The following COL20A1 variants were observed in gnomAD, a reference collection of about 807,000 sequenced individuals.
COL20A1 encodes the protein collagen type XX alpha 1 chain.
A neutral mutation model predicts 152.9 loss-of-function variants in COL20A1; 164 were observed. The observed-to-expected ratio is 1.07, with a 90% confidence interval of 0.94 to 1.22. The LOEUF (loss-of-function observed/expected upper bound fraction) is 1.22. Among genes scored for constraint, COL20A1 ranks in the 50% most tolerant of loss-of-function variants. COL20A1 has a pLI of 0.00. For synonymous variants in COL20A1, 864 were observed against 756.0 expected (o/e 1.14, Z -2.34); for missense variants, 1,873 against 1,744.8 (o/e 1.07, Z -1.31).
Position 63,310,373 on chromosome 20 carries a change from TGTTCCA to T in COL20A1, c.1264-6_1264-1del. 1 of 1,610,876 alleles carries T rather than the reference TGTTCCA, an allele frequency of 6.2e-7. No homozygotes were observed. The highest frequency in any genetic ancestry group is 8.5e-7 in the Non-Finnish European group (1 of 1,179,204). ...TTCCTGGCTCCGTCCTTGCCCACTC[TGTTCCA>T]GGTGGTGGTGGAGGGACCCGCCGCC... On this transcript the variant is annotated splice_acceptor_variant and splice_polypyrimidine_tract_variant and intron_variant, in intron 10 of 35. Coordinates refer to ENST00000358894, the MANE Select transcript of COL20A1 (RefSeq NM_020882.4). LOFTEE classifies it high-confidence loss of function.
Position 63,312,048 on chromosome 20 carries a change from C to G in COL20A1, c.1796C>G (p.Ser599Trp). The G allele has an allele frequency of 7.6e-6, 12 of 1,577,872 alleles. No individual in the cohort carries two copies. The highest frequency in any genetic ancestry group is 1.0e-5 in the Non-Finnish European group (12 of 1,160,240). ...TATGTGTCCAGCGAGGGTGGACACT[C>G]GGGGCAGGTGAGAGCAGAGCCCTCC... Reference protein sequence around the residue: ...VTYVSSEGGHSGQTEAPGNAT... With the variant: ...VTYVSSEGGHWGQTEAPGNAT... Residue 599 changes from serine to tryptophan, a missense_variant, in exon 14 of 36, where the codon TCG becomes TGG. By Grantham distance (177) the Ser-to-Trp change is radical. Coordinates refer to ENST00000358894, the MANE Select transcript of COL20A1 (RefSeq NM_020882.4).
rs764385632 is a variant in COL20A1, at chr20:63,308,575, TG to T, written c.810del (p.Gln271SerfsTer14). 3.1e-6 allele frequency: 5 copies of T among 1,605,726 alleles called. No homozygotes were observed. Among genetic ancestry groups the T allele is most frequent in the Non-Finnish European group, 4.2e-6 (5 of 1,176,746 alleles). ...LALTHVLGQN[L>X]QPAAGLRPEA... ...CTGACCCACGTGCTGGGGCAGAACC[TG>T]CAGCCGGCGGCTGGCCTCCGTCCAG... On this transcript the variant is annotated frameshift_variant, in exon 8 of 36. Coordinates refer to ENST00000358894, the MANE Select transcript of COL20A1 (RefSeq NM_020882.4). LOFTEE classifies it high-confidence loss of function.
At chr20:63,314,973 T>C (rs1395402490) in intron 19 of COL20A1, among the ~76,000 whole-genome samples, 1 of 133,042 alleles carries the variant, frequency 7.5e-6, no homozygotes, top group Non-Finnish European at 1.6e-5. Context: ...CCAGGACACG[T>C]GTGTCCCCAG....
At position 63,319,582 on chromosome 20, in the gene COL20A1, G is replaced by A. The variant is rs753868347; in HGVS notation, c.2902G>A (p.Gly968Arg). The change falls in exon 23 of 36, where the codon GGG becomes AGG. Residue 968 changes from glycine to arginine, a missense_variant. Gly to Arg is a moderately radical substitution (Grantham distance 125, BLOSUM62 -2). Coordinates refer to ENST00000358894, the MANE Select transcript of COL20A1 (RefSeq NM_020882.4). This position sits in a 1 kb window ranked among gnomAD's most constrained non-coding sequence, Gnocchi z 4.4. ...DPQEVRKIFF[G>R]SFHKVHVAVG... ...GCAGGAAGTGAGGAAGATTTTCTTC[G>A]GGAGCTTCCACAAGGTCCTGGTGCA... 27 of 1,581,300 alleles carry A rather than the reference G, an allele frequency of 1.7e-5. No individual in the cohort carries two copies. Among genetic ancestry groups the A allele is most frequent in the Admixed American group, 3.6e-5 (2 of 55,900 alleles).
intron 19 of COL20A1, among the ~76,000 whole-genome samples, chr20:63,314,679 G>C (rs2068061065): frequency 6.6e-6 from 1 of 152,106 alleles, no homozygotes; most frequent in African/African-American, 2.4e-5. Flanking sequence ...CTCCCATCAG[G>C]AGTGCTCCTT....
intron 1 of COL20A1, 38 bp downstream of exon 1, chr20:63,293,313 A>G (rs1323049807): frequency 7.9e-5 from 12 of 152,168 alleles, no homozygotes; most frequent in Admixed American, 7.9e-4. Flanking sequence ...CTGGGTGGAT[A>G]AGGGGCTGCC....
intron 15 of COL20A1, 48 bp from the exon 16 acceptor site, chr20:63,312,744 C>A: frequency 6.7e-7 from 1 of 1,499,060 alleles, no homozygotes; most frequent in Non-Finnish European, 9.0e-7. Flanking sequence ...CTCTGAGGTG[C>A]CCAGGCTCAG....
Position 63,313,992 on chromosome 20 carries a change from A to T in COL20A1, c.2359-80A>T. On this transcript the variant is annotated intron_variant, in intron 18 of 35. Transcript: ENST00000358894. This position sits in a 1 kb window ranked among gnomAD's most constrained non-coding sequence, Gnocchi z 5.9. ...AGGGTGGCAGCTCTGCCATGGCGGG[A>T]CGCAGAGGGAGGCAGCTGAGCCGCG... is the stretch of plus-strand genomic sequence containing the variant. The T allele has an allele frequency of 6.2e-7, 1 of 1,603,294 alleles. No homozygotes were observed.
At chr20:63,295,241 A>G in intron 2 of COL20A1, 52 bp downstream of exon 2, 2 of 1,237,690 alleles carry the variant, frequency 1.6e-6, no homozygotes, top group Non-Finnish European at 2.3e-6. Context: ...CGCCTGCCCC[A>G]CCAGTGCCCA....
intron 3 of COL20A1, 44 bp downstream of exon 3, chr20:63,298,064 G>A (rs1312219170): frequency 8.7e-6 from 12 of 1,386,144 alleles, no homozygotes; most frequent in Non-Finnish European, 1.2e-5. Context: ...ATTAGCACGT[G>A]CCGAGGACAG....
At chr20:63,328,158 A>G (rs754747694) in intron 33 of COL20A1, 31 bp downstream of exon 33, 1 of 1,611,352 alleles carries the variant, frequency 6.2e-7, no homozygotes, top group Non-Finnish European at 8.5e-7. Context: ...GAGTGAGGCC[A>G]GCAGCCCTGC....
Position 63,305,408 on chromosome 20 carries a change from C to A in COL20A1, c.194-9C>A. On this transcript the variant is annotated splice_polypyrimidine_tract_variant and intron_variant, in intron 3 of 35. Transcript: ENST00000358894. This position sits in a 1 kb window ranked among gnomAD's most constrained non-coding sequence, Gnocchi z 4.9. ...CTTGGCCTCTAAAGCTCTCCCCACCCCTACCCAGGGGACTCGGAACAGGAG... is the reference window on the plus strand; with the variant it reads ...CTTGGCCTCTAAAGCTCTCCCCACCACTACCCAGGGGACTCGGAACAGGAG... 6.6e-7 allele frequency: 1 copy of A among 1,507,186 alleles called. No homozygotes were observed. The highest frequency in any genetic ancestry group is 1.3e-5 in the South Asian group (1 of 74,270). 93.4% of individuals were successfully genotyped at this position (1,507,186 alleles called of 1,614,324 possible).
rs368920569 is a variant in COL20A1 at position 63,327,431 on chromosome 20, C to T, written c.3529-521C>T. 3.2e-4 allele frequency: 56 copies of T among 175,154 alleles called. 1 individual carries two copies. Among genetic ancestry groups the T allele is most frequent in the South Asian group, 2.8e-3 (22 of 7,834 alleles). The allele number at this position is 175,154 out of a possible 1,614,324, so 10.8% of individuals were successfully genotyped here. A position where few individuals can be genotyped will look rare whatever the true frequency, so the allele number is the denominator to read the frequency against. ...ACGTGGTGGAGGGGAGGTGGTGGGG[C>T]GGCAGGCTCCATGGAGGGTAGGGGG... is the stretch of plus-strand genomic sequence containing the variant. On this transcript the variant is annotated intron_variant, in intron 31 of 35. Transcript: ENST00000358894.
rs1444196146 is a variant in COL20A1, at chr20:63,305,858, T to C, written c.338-23T>C. 1.2e-6 allele frequency: 2 copies of C among 1,612,342 alleles called. No homozygotes were observed. Among genetic ancestry groups the C allele is most frequent in the African/African-American group, 2.7e-5 (2 of 74,914 alleles). On this transcript the variant is annotated intron_variant, in intron 4 of 35. Transcript: ENST00000358894. The surrounding 1 kb of genome is among the most constrained non-coding windows in gnomAD (Gnocchi z 4.9). ...ACCAGGCCCTCCACTCCCACCCTGA[T>C]GGCTCTTTGTGTCTCCCTGCAGTTG...
In COL20A1 at chr20:63,305,297, C is replaced by T; in HGVS notation, c.194-120C>T. On this transcript the variant is annotated intron_variant, in intron 3 of 35. Transcript: ENST00000358894. The surrounding 1 kb of genome is among the most constrained non-coding windows in gnomAD (Gnocchi z 4.9). ...TCAGACCCTCTCCCTTTCTGTCTCT[C>T]TGGCTTCAAGGGGAGCAGCTGGGGT... 1 of 760,804 alleles carries T rather than the reference C, an allele frequency of 1.3e-6. No homozygotes were observed. The highest frequency in any genetic ancestry group is 1.8e-5 in the African/African-American group (1 of 54,448). The allele number at this position is 760,804 out of a possible 1,614,324, so 47.1% of individuals were successfully genotyped here. A position where few individuals can be genotyped will look rare whatever the true frequency, so the allele number is the denominator to read the frequency against.
intron 7 of COL20A1, 65 bp from the exon 8 acceptor site, chr20:63,308,476 CT>C (rs889898572): frequency 1.4e-6 from 2 of 1,419,288 alleles, no homozygotes; most frequent in Admixed American, 2.4e-5. Context: ...TGTCCGGTTG[CT>C]GCCAGCCGAG....
At chr20:63,308,749 G>C in intron 8 of COL20A1, 43 bp downstream of exon 8, 3 of 1,518,212 alleles carry the variant, frequency 2.0e-6, no homozygotes, top group East Asian at 2.4e-5. Flanking sequence ...TCTCACCGCC[G>C]GGTGGGTTTA....
chr20:63,311,381 C>A lies in COL20A1; in HGVS notation c.1394-13C>A. 1 of 1,573,056 alleles carries A rather than the reference C, an allele frequency of 6.4e-7. No homozygotes were observed. Among genetic ancestry groups the A allele is most frequent in the Non-Finnish European group, 8.6e-7 (1 of 1,161,008 alleles). On this transcript the variant is annotated splice_polypyrimidine_tract_variant and intron_variant, in intron 11 of 35. Coordinates refer to ENST00000358894, the MANE Select transcript of COL20A1 (RefSeq NM_020882.4). This position sits in a 1 kb window ranked among gnomAD's most constrained non-coding sequence, Gnocchi z 4.4. ...TGGGCTCCTTCCTAAAGTGTCCCTG[C>A]ATGGCCCCCCAGCACCTCTGCCTCC...
intron 3 of COL20A1, among the ~76,000 whole-genome samples, chr20:63,298,375 C>T (rs1437325245): frequency 6.6e-6 from 1 of 152,184 alleles, no homozygotes; most frequent in Non-Finnish European, 1.5e-5. Context: ...CCCGCAGCCT[C>T]AATCTCCCGA....
Sources: allele counts gnomAD v4.1 joint callset (sites outside exome capture counted in the v4.1 genomes callset), GRCh38; gene constraint gnomAD v4.1.1; non-coding constraint Gnocchi (gnomAD v3.1); transcripts MANE v1.5; gene names NCBI Gene and HGNC (gene_info 2026-07-23, HGNC 2026-07-21).